The following SORCS3 variants were observed in gnomAD, a reference collection of about 807,000 sequenced individuals.
SORCS3 encodes the protein VPS10 domain-containing receptor SorCS3.
SORCS3 carries 57 observed loss-of-function variants against 146.3 expected under a neutral mutation model. The ratio of observed to expected loss-of-function variants is 0.39; its 90% confidence interval spans 0.31 to 0.49. The LOEUF (loss-of-function observed/expected upper bound fraction) is 0.49. Among genes scored for constraint, SORCS3 ranks in the 20% least tolerant of loss-of-function variants. SORCS3 has a pLI of 0.92. For missense variants in SORCS3, 1,341 were observed against 1,575.5 expected (o/e 0.85, Z 2.52); for synonymous variants, 653 against 618.5 (o/e 1.06, Z -0.83).
At chr10:104,982,067 C>A (rs747445579) in intron 4 of SORCS3, among the ~76,000 whole-genome samples, 16 of 152,118 alleles carry the variant, frequency 1.1e-4, no homozygotes, top group Non-Finnish European at 2.2e-4. Flanking sequence ...AGTGGGCATG[C>A]AGCTAAGGAT....
At chr10:105,029,031 T>A (rs1415388713) in intron 4 of SORCS3, among the ~76,000 whole-genome samples, 1 of 152,194 alleles carries the variant, frequency 6.6e-6, no homozygotes, top group Non-Finnish European at 1.5e-5. Context: ...TCAAACTATC[T>A]TTACAAAAAC....
chr10:105,171,845 A>T (rs776684873), intron 13 of SORCS3, among the ~76,000 whole-genome samples: 7 of 152,144 alleles, frequency 4.6e-5, no homozygotes, highest in Non-Finnish European at 1.0e-4. Flanking sequence ...ATGTCATGTT[A>T]GTATCATAGT....
chr10:105,173,770 G>C (rs1000890036), intron 13 of SORCS3, among the ~76,000 whole-genome samples: 1 of 152,104 alleles, frequency 6.6e-6, no homozygotes, highest in Non-Finnish European at 1.5e-5. Flanking sequence ...CTAAGCTACA[G>C]CCACTGACCA....
chr10:105,078,721 A>G (rs950000033), intron 5 of SORCS3, among the ~76,000 whole-genome samples: 2 of 152,224 alleles, frequency 1.3e-5, no homozygotes, highest in African/African-American at 4.8e-5. Context: ...AATGTTTTAC[A>G]TACATTTAAT....
At chr10:105,209,125 A>G (rs562876344) in intron 16 of SORCS3, among the ~76,000 whole-genome samples, 1 of 152,228 alleles carries the variant, frequency 6.6e-6, no homozygotes, top group African/African-American at 2.4e-5. Context: ...TAATGCAATC[A>G]TGTAATGCAA....
intron 3 of SORCS3, among the ~76,000 whole-genome samples, chr10:104,973,806 C>A (rs559980122): frequency 6.9e-6 from 1 of 145,658 alleles, no homozygotes; most frequent in East Asian, 1.9e-4. Context: ...AATTTTGGAT[C>A]TTTCCTGCTT....
chr10:104,850,984 G>T lies in SORCS3; in HGVS notation c.695+8125G>T, dbSNP rs563934965. Among the ~76,000 whole-genome samples, 24 of 152,260 alleles carry T rather than the reference G, an allele frequency of 1.6e-4. No individual in the cohort carries two copies. In the East Asian group the frequency reaches 4.1e-3, roughly 26 times the overall value. ...TTCACTGATGGATATTATCCAGTTG[G>T]CAGACATTAGCCAGAACACCTGTCT... is the stretch of plus-strand genomic sequence containing the variant. On this transcript the variant is annotated intron_variant, in intron 2 of 26. Transcript: ENST00000369701.
At chr10:105,028,156 T>G (rs918694841) in intron 4 of SORCS3, among the ~76,000 whole-genome samples, 1 of 152,204 alleles carries the variant, frequency 6.6e-6, no homozygotes, top group Non-Finnish European at 1.5e-5. Context: ...AAGTAGGTTT[T>G]CTTATTGCCC....
At chr10:104,724,868 G>T (rs2133448437) in intron 1 of SORCS3, among the ~76,000 whole-genome samples, 1 of 152,230 alleles carries the variant, frequency 6.6e-6, no homozygotes, top group South Asian at 2.1e-4. Context: ...ATTCTAGTTA[G>T]CCATTCGTCT....
intron 20 of SORCS3, among the ~76,000 whole-genome samples, chr10:105,238,997 T>C (rs2056808809): frequency 6.6e-6 from 1 of 152,146 alleles, no homozygotes; most frequent in South Asian, 2.1e-4. Flanking sequence ...ACTAGTTTAC[T>C]GTATTATTTG....
chr10:104,966,749 G>A (rs1160659326), intron 3 of SORCS3, among the ~76,000 whole-genome samples: 1 of 152,108 alleles, frequency 6.6e-6, no homozygotes, highest in African/African-American at 2.4e-5. Flanking sequence ...AAAGATTTCT[G>A]GGGAGGATTT....
At chr10:104,962,119 T>C (rs956183033) in intron 3 of SORCS3, among the ~76,000 whole-genome samples, 1 of 152,072 alleles carries the variant, frequency 6.6e-6, no homozygotes, top group Non-Finnish European at 1.5e-5. Context: ...AAGACCGAGA[T>C]CATTCAGCTG....
At chr10:104,841,837 A>T (rs984096882) in intron 1 of SORCS3, among the ~76,000 whole-genome samples, 1 of 152,198 alleles carries the variant, frequency 6.6e-6, no homozygotes, top group African/African-American at 2.4e-5. Flanking sequence ...TTAAATTTAG[A>T]TAAACACAAT....
Position 105,125,679 on chromosome 10 carries a change from C to CCACACA in SORCS3, c.1213-13693_1213-13688dup, listed in dbSNP as rs71022752. 2.0e-3 allele frequency among the ~76,000 whole-genome samples: 295 copies of CCACACA among 144,478 alleles called. 2 individuals are homozygous for CCACACA. The highest frequency in any genetic ancestry group is 2.6e-3 in the Non-Finnish European group (174 of 66,506). 94.8% of individuals were successfully genotyped at this position (144,478 alleles called of 152,430 possible). On this transcript the variant is annotated intron_variant, in intron 7 of 26. Coordinates refer to ENST00000369701, the MANE Select transcript of SORCS3 (RefSeq NM_014978.3). The stretch of plus-strand genomic sequence containing the variant: ...ACATGCATGTTGCATCACTGAATAT[C>CCACACA]CACACACACACACACACACACACAC...
At chr10:104,830,062 C>T (rs959463150) in intron 1 of SORCS3, among the ~76,000 whole-genome samples, 1 of 152,054 alleles carries the variant, frequency 6.6e-6, no homozygotes, top group Non-Finnish European at 1.5e-5. Flanking sequence ...AGCCCCCCAA[C>T]CCCCGACAGG....
chr10:104,911,371 T>G (rs2018964737), intron 2 of SORCS3, among the ~76,000 whole-genome samples: 2 of 152,198 alleles, frequency 1.3e-5, no homozygotes, highest in African/African-American at 4.8e-5. Context: ...AGGGTGTCCT[T>G]TGTTGGGCAG....
chr10:105,033,372 A>G (rs1380914050), intron 4 of SORCS3, among the ~76,000 whole-genome samples: 2 of 152,230 alleles, frequency 1.3e-5, no homozygotes, highest in Non-Finnish European at 2.9e-5. Flanking sequence ...ACAGCTGACT[A>G]GCTGTGTGAC....
chr10:105,133,879 G>T (rs961499170), intron 7 of SORCS3, among the ~76,000 whole-genome samples: 1 of 152,132 alleles, frequency 6.6e-6, no homozygotes, highest in African/African-American at 2.4e-5. Context: ...GATTGCTTGA[G>T]CTGGGCAGGT....
At chr10:105,204,502 TG>T (rs1223672308) in intron 16 of SORCS3, among the ~76,000 whole-genome samples, 1 of 152,142 alleles carries the variant, frequency 6.6e-6, no homozygotes, top group Non-Finnish European at 1.5e-5. Context: ...TTTTGACCAT[TG>T]GTACTAGAAT....
Sources: gnomAD v4.1 joint callset for allele counts (sites outside exome capture counted in the v4.1 genomes callset) on GRCh38, gnomAD v4.1.1 for gene constraint, MANE v1.5 for transcripts, NCBI Gene and HGNC (gene_info 2026-07-23, HGNC 2026-07-21) for gene names.